The following FRMD4A variants were observed in gnomAD, a reference collection of about 807,000 sequenced individuals.
FRMD4A encodes the protein FERM domain-containing protein 4A.
A neutral mutation model predicts 129.1 loss-of-function variants in FRMD4A; 29 were observed. The observed-to-expected ratio is 0.22, with a 90% CI of 0.17 to 0.31. FRMD4A has a LOEUF of 0.31. Ranked by LOEUF, FRMD4A falls within the 10% of genes least tolerant of loss-of-function variation. The pLI is 1.00. For synonymous variants in FRMD4A, 634 were observed against 571.6 expected, an observed-to-expected ratio of 1.11 and a Z score of -1.56; for missense variants, 1,272 against 1,375.8, an observed-to-expected ratio of 0.92 and a Z score of 1.19.
intron 2 of FRMD4A, among the ~76,000 whole-genome samples, chr10:14,066,002 A>ATG (rs1407505921): frequency 2.0e-5 from 1 of 50,990 alleles, no homozygotes; most frequent in African/African-American, 6.6e-5. Flanking sequence ...AAGTGGGGGT[A>ATG]TGTATTTGTG....
chr10:14,228,790 T>C (rs910508966), intron 2 of FRMD4A, among the ~76,000 whole-genome samples: 2 of 152,264 alleles, frequency 1.3e-5, no homozygotes, highest in Admixed American at 1.3e-4. Flanking sequence ...GAAAAATACA[T>C]GCAATTAATT....
intron 2 of FRMD4A, among the ~76,000 whole-genome samples, chr10:13,867,480 T>C (rs1338835789): frequency 6.7e-6 from 1 of 149,568 alleles, no homozygotes; most frequent in Non-Finnish European, 1.5e-5. Context: ...AGGCTGCTCT[T>C]GAACTCCTGG....
intron 2 of FRMD4A, chr10:13,971,953 C>T (rs1456399601): frequency 8.3e-7 from 1 of 1,207,594 alleles, no homozygotes; most frequent in African/African-American, 1.6e-5. Context: ...ACTCTCCTCC[C>T]CCTACCTACC....
chr10:14,137,771 G>C (rs1839619090), intron 2 of FRMD4A, among the ~76,000 whole-genome samples: 1 of 152,046 alleles, frequency 6.6e-6, no homozygotes, highest in Admixed American at 6.6e-5. Flanking sequence ...GGCACTCCCT[G>C]CCCTCCTTTG....
At chr10:13,827,631 T>C (rs2093722630) in intron 3 of FRMD4A, among the ~76,000 whole-genome samples, 1 of 151,774 alleles carries the variant, frequency 6.6e-6, no homozygotes, top group African/African-American at 2.4e-5. Context: ...AGCCAAGAGG[T>C]AGGAATGTTC....
intron 2 of FRMD4A, among the ~76,000 whole-genome samples, chr10:13,923,126 G>T (rs916108498): frequency 2.6e-5 from 4 of 152,190 alleles, no homozygotes; most frequent in Admixed American, 6.5e-5. Flanking sequence ...CCCTAGAGTG[G>T]ATGGTCTGTA....
At chr10:14,044,317 T>C (rs548415916) in intron 2 of FRMD4A, among the ~76,000 whole-genome samples, 2 of 152,352 alleles carry the variant, frequency 1.3e-5, no homozygotes, top group South Asian at 2.1e-4. Flanking sequence ...TTTCCTTCTC[T>C]AATTCTTTCT....
intron 2 of FRMD4A, among the ~76,000 whole-genome samples, chr10:13,995,761 A>G (rs1452410612): frequency 1.3e-5 from 2 of 151,928 alleles, no homozygotes; most frequent in African/African-American, 4.8e-5. Context: ...TGACATAAGC[A>G]CACCATTCTA....
intron 15 of FRMD4A, among the ~76,000 whole-genome samples, chr10:13,689,549 C>CTTTTTTTTTTTTT (rs34800095): frequency 7.8e-6 from 1 of 128,634 alleles, no homozygotes; most frequent in African/African-American, 3.1e-5. Context: ...TTAGAAGATT[C>CTTTTTTTTTTTTT]TTTTTTTTTT....
intron 24 of FRMD4A, 91 bp downstream of exon 24, chr10:13,651,812 G>T (rs1029054023): frequency 2.6e-6 from 2 of 765,228 alleles, no homozygotes; most frequent in Admixed American, 3.6e-5. Context: ...GCATTCAGAT[G>T]TATCCTTGTG....
chr10:14,313,190 C>CAA (rs34896223), intron 2 of FRMD4A, among the ~76,000 whole-genome samples: 12 of 148,488 alleles, frequency 8.1e-5, no homozygotes, highest in African/African-American at 3.0e-4. Context: ...TCATTTCTAC[C>CAA]AAAAAAAAAA....
At chr10:14,320,744 C>T (rs995813051) in intron 2 of FRMD4A, among the ~76,000 whole-genome samples, 38 of 152,386 alleles carry the variant, frequency 2.5e-4, no homozygotes, top group Non-Finnish European at 3.4e-4. Flanking sequence ...CCTCCCAAAG[C>T]CTGGTGTGTG....
At chr10:13,870,522 C>G (rs2094427302) in intron 2 of FRMD4A, among the ~76,000 whole-genome samples, 1 of 152,218 alleles carries the variant, frequency 6.6e-6, no homozygotes, top group South Asian at 2.1e-4. Context: ...TCCTCTACGC[C>G]ATGCATTCAG....
chr10:13,943,404 C>G (rs1424315969), intron 2 of FRMD4A, among the ~76,000 whole-genome samples: 1 of 151,970 alleles, frequency 6.6e-6, no homozygotes, highest in South Asian at 2.1e-4. Context: ...AATCCCAGTA[C>G]TTTGGGAGGC....
At chr10:13,809,883 A>T (rs2093417459) in intron 4 of FRMD4A, among the ~76,000 whole-genome samples, 1 of 152,236 alleles carries the variant, frequency 6.6e-6, no homozygotes, top group South Asian at 2.1e-4. Context: ...ACCAAGGCCA[A>T]GTGTAGCCAT....
intron 2 of FRMD4A, among the ~76,000 whole-genome samples, chr10:13,952,858 A>AC (rs1554985101): frequency 6.6e-6 from 1 of 151,354 alleles, no homozygotes; most frequent in Non-Finnish European, 1.5e-5. Context: ...ATGTCGGCTA[A>AC]TTTTTTTTCG....
intron 2 of FRMD4A, among the ~76,000 whole-genome samples, chr10:13,999,749 T>C (rs1310632445): frequency 6.6e-6 from 1 of 152,190 alleles, no homozygotes; most frequent in African/African-American, 2.4e-5. Context: ...AGGTGTTAAT[T>C]GTGTAGTAGG....
At chr10:13,803,505 A>G (rs2093299142) in intron 4 of FRMD4A, among the ~76,000 whole-genome samples, 1 of 121,224 alleles carries the variant, frequency 8.2e-6, no homozygotes, top group South Asian at 2.6e-4. Context: ...CTAATTAAAC[A>G]AATTTTTTTT....
chr10:13,721,986 C>A (rs369554662), intron 12 of FRMD4A, among the ~76,000 whole-genome samples: 1 of 152,168 alleles, frequency 6.6e-6, no homozygotes, highest in East Asian at 1.9e-4. Flanking sequence ...CAGGGCAGAG[C>A]TCCTCTGGCT....
Sources: gnomAD v4.1 joint callset for allele counts (sites outside exome capture counted in the v4.1 genomes callset) on GRCh38, gnomAD v4.1.1 for gene constraint, MANE v1.5 for transcripts, NCBI Gene and HGNC (gene_info 2026-07-23, HGNC 2026-07-21) for gene names.